FRMPD4: variants seen among roughly 807,000 people sequenced by gnomAD.
FRMPD4 encodes the protein FERM and PDZ domain-containing protein 4.
Under a neutral mutation model 94.1 loss-of-function variants are expected in FRMPD4, and 22 were observed. The observed-to-expected ratio is 0.23, with a 90% CI of 0.17 to 0.33. The LOEUF (loss-of-function observed/expected upper bound fraction) is 0.33. FRMPD4 is among the 10% of genes least tolerant of loss of function. The pLI, the probability that FRMPD4 is intolerant of heterozygous loss-of-function variation, is 1.00. For missense variants in FRMPD4, 1,111 were observed against 1,339.9 expected, an observed-to-expected ratio of 0.83 and a Z score of 2.67; for synonymous variants, 631 against 548.6, an observed-to-expected ratio of 1.15 and a Z score of -2.10.
intron 1 of FRMPD4, among the ~76,000 whole-genome samples, chrX:12,269,876 G>T (rs192086661): frequency 1.0e-3 from 116 of 112,532 alleles, no homozygotes; most frequent in African/African-American, 3.2e-3. Context: ...TGGCATGAGA[G>T]AATGCATTTC....
At chrX:12,359,496 C>T (rs2055949564) in intron 1 of FRMPD4, among the ~76,000 whole-genome samples, 1 of 99,658 alleles carries the variant, frequency 1.0e-5, no homozygotes, top group Non-Finnish European at 2.0e-5. Flanking sequence ...GAAATGGAGT[C>T]TTGCTCTGTT....
chrX:12,373,754 A>G (rs751718622), intron 1 of FRMPD4, among the ~76,000 whole-genome samples: 1 of 112,545 alleles, frequency 8.9e-6, no homozygotes, highest in African/African-American at 3.2e-5. Context: ...TTAAGTACGA[A>G]GTTAGCCACT....
intron 3 of FRMPD4, among the ~76,000 whole-genome samples, chrX:12,130,830 C>T (rs1054204392): frequency 9.0e-6 from 1 of 111,405 alleles, no homozygotes; most frequent in Admixed American, 9.6e-5. Context: ...AAAAGTGATT[C>T]GGGATCTGAG....
intron 3 of FRMPD4, among the ~76,000 whole-genome samples, chrX:11,983,198 C>T (rs377102656): frequency 1.8e-5 from 2 of 112,138 alleles, no homozygotes; most frequent in African/African-American, 6.5e-5. Flanking sequence ...ATTGTTTTAT[C>T]CTCTATCTAA....
At chrX:12,401,403 G>A (rs896459077) in intron 1 of FRMPD4, among the ~76,000 whole-genome samples, 3 of 109,809 alleles carry the variant, frequency 2.7e-5, no homozygotes, top group African/African-American at 1.0e-4. Flanking sequence ...GCAGATGCTG[G>A]TTTATTTTGG....
intron 1 of FRMPD4, among the ~76,000 whole-genome samples, chrX:12,276,433 G>A (rs1028955802): frequency 2.4e-4 from 27 of 112,133 alleles, no homozygotes; most frequent in African/African-American, 8.4e-4. Flanking sequence ...GCAATCGGAA[G>A]TGGGGGCTTC....
chrX:12,182,141 T>C (rs970200276), intron 1 of FRMPD4, among the ~76,000 whole-genome samples: 1 of 111,141 alleles, frequency 9.0e-6, no homozygotes, highest in African/African-American at 3.3e-5. Context: ...AGTTCCAAAA[T>C]AAAAACAGAG....
At chrX:11,864,866 T>G in intron 1 of FRMPD4, among the ~76,000 whole-genome samples, 1 of 111,250 alleles carries the variant, frequency 9.0e-6, no homozygotes, top group Non-Finnish European at 1.9e-5. Context: ...CAGAAAAATG[T>G]GAAAAAGCCC....
intron 3 of FRMPD4, among the ~76,000 whole-genome samples, chrX:12,025,741 A>G (rs905497886): frequency 2.7e-5 from 3 of 111,858 alleles, no homozygotes; most frequent in South Asian, 7.6e-4. Flanking sequence ...CCTTGGGCCA[A>G]CAACCATTTG....
At chrX:12,664,319 G>A (rs1481945523) in intron 4 of FRMPD4, among the ~76,000 whole-genome samples, 1 of 112,099 alleles carries the variant, frequency 8.9e-6, no homozygotes, top group African/African-American at 3.2e-5. Context: ...TGCCCATTCA[G>A]TATGATACTG....
intron 1 of FRMPD4, among the ~76,000 whole-genome samples, chrX:12,458,649 T>C (rs1024414921): frequency 7.2e-5 from 8 of 111,493 alleles, no homozygotes; most frequent in Admixed American, 9.5e-5. Flanking sequence ...AAAACAGAAG[T>C]TTCCAAGACT....
rs189190693 is a variant in FRMPD4, at chrX:12,478,499, C to A, written c.42-20181C>A. On this transcript the variant is annotated intron_variant, in intron 1 of 16. Transcript: ENST00000675598. ...TCAGGAGGTTGCATTGGGAGGATCA[C>A]TTGTGTCCTGGAGGTCGAGGCTGCA... Among the ~76,000 whole-genome samples, 6 of 112,095 alleles carry A rather than the reference C, an allele frequency of 5.4e-5. No individual in the cohort carries two copies. In the Admixed American group the frequency reaches 5.7e-4, roughly 11 times the overall value.
At chrX:11,984,802 G>T (rs941504870) in intron 3 of FRMPD4, among the ~76,000 whole-genome samples, 3 of 112,031 alleles carry the variant, frequency 2.7e-5, no homozygotes, top group African/African-American at 9.7e-5. Context: ...TCTGGCAATG[G>T]TCTACTACCC....
chrX:12,366,145 G>C (rs2056072498), intron 1 of FRMPD4, among the ~76,000 whole-genome samples: 1 of 112,228 alleles, frequency 8.9e-6, no homozygotes, highest in Non-Finnish European at 1.9e-5. Context: ...ACTTCAGCTG[G>C]GTCTGTCTGC....
chrX:11,914,629 T>C (rs917797773), intron 3 of FRMPD4, among the ~76,000 whole-genome samples: 12 of 112,098 alleles, frequency 1.1e-4, no homozygotes, highest in African/African-American at 3.2e-4. Context: ...TTGAATTATT[T>C]GATATTTCTT....
At chrX:12,263,524 G>T (rs1451259841) in intron 1 of FRMPD4, among the ~76,000 whole-genome samples, 1 of 111,898 alleles carries the variant, frequency 8.9e-6, no homozygotes, top group Non-Finnish European at 1.9e-5. Context: ...ATGAGCTAAT[G>T]TCTCTTACTA....
intron 3 of FRMPD4, among the ~76,000 whole-genome samples, chrX:12,087,969 T>C (rs912850052): frequency 2.7e-5 from 3 of 112,604 alleles, no homozygotes; most frequent in East Asian, 2.8e-4. Flanking sequence ...TTTTTTGTGC[T>C]GCAAGGATGA....
chrX:12,642,057 A>G (rs1394954088), intron 4 of FRMPD4, among the ~76,000 whole-genome samples: 1 of 75,704 alleles, frequency 1.3e-5, no homozygotes, highest in Non-Finnish European at 2.6e-5. Flanking sequence ...TGAAGAAACT[A>G]AAGTTCATAG....
At chrX:12,333,740 G>A (rs1024035357) in intron 1 of FRMPD4, among the ~76,000 whole-genome samples, 8 of 111,571 alleles carry the variant, frequency 7.2e-5, no homozygotes, top group African/African-American at 2.3e-4. Flanking sequence ...TTTGTTTAGA[G>A]GTGAAATTAC....
Sources: allele counts gnomAD v4.1 joint callset (sites outside exome capture counted in the v4.1 genomes callset), GRCh38; gene constraint gnomAD v4.1.1; transcripts MANE v1.5; gene names NCBI Gene and HGNC (gene_info 2026-07-23, HGNC 2026-07-21).